ATP6V1H: variants seen among roughly 807,000 people sequenced by gnomAD.
ATP6V1H encodes the protein ATPase H+ transporting V1 subunit H.
A neutral mutation model predicts 71.7 loss-of-function variants in ATP6V1H; 39 were observed. The ratio of observed to expected loss-of-function variants is 0.54; its 90% confidence interval spans 0.42 to 0.71. ATP6V1H has a LOEUF of 0.71. Ranked by LOEUF, ATP6V1H falls within the 30% of genes least tolerant of loss-of-function variation. ATP6V1H has a pLI of 0.00. For missense variants in ATP6V1H, 509 were observed against 594.9 expected, an observed-to-expected ratio of 0.86 and a Z score of 1.50; for synonymous variants, 192 against 199.3, an observed-to-expected ratio of 0.96 and a Z score of 0.31.
intron 9 of ATP6V1H, among the ~76,000 whole-genome samples, chr8:53,790,501 G>A (rs912661545): frequency 2.0e-5 from 3 of 152,156 alleles, no homozygotes; most frequent in African/African-American, 7.2e-5. Context: ...CATATTTTTC[G>A]AAGGGTATTA....
chr8:53,754,914 G>A (rs189437341), intron 12 of ATP6V1H, among the ~76,000 whole-genome samples: 29 of 152,326 alleles, frequency 1.9e-4, no homozygotes, highest in African/African-American at 6.5e-4. Context: ...ACATTTGTCC[G>A]TACCATGGAA....
intron 9 of ATP6V1H, among the ~76,000 whole-genome samples, chr8:53,779,462 T>C (rs1394230289): frequency 6.6e-6 from 1 of 151,252 alleles, no homozygotes. Context: ...CTAATATTAT[T>C]ACATGCTTGT....
At chr8:53,790,589 A>G (rs143073763) in intron 9 of ATP6V1H, among the ~76,000 whole-genome samples, 1 of 152,358 alleles carries the variant, frequency 6.6e-6, no homozygotes, top group East Asian at 1.9e-4. Flanking sequence ...AAACTAAAGC[A>G]CGGAGAGGCT....
intron 2 of ATP6V1H, among the ~76,000 whole-genome samples, chr8:53,835,772 G>C (rs1487805675): frequency 2.0e-5 from 3 of 152,024 alleles, no homozygotes; most frequent in African/African-American, 7.3e-5. Context: ...CTCTTAGGCA[G>C]GTGACACTAT....
chr8:53,735,999 T>C (rs2130150958), intron 13 of ATP6V1H, among the ~76,000 whole-genome samples: 1 of 152,322 alleles, frequency 6.6e-6, no homozygotes, highest in South Asian at 2.1e-4. Context: ...AGCCCTGCTC[T>C]AGTCACACAC....
At chr8:53,829,342 A>C in intron 4 of ATP6V1H, 102 bp downstream of exon 4, 1 of 748,314 alleles carries the variant, frequency 1.3e-6, no homozygotes, top group Non-Finnish European at 2.3e-6. Flanking sequence ...ATGCTCTAGA[A>C]GAGAACAAAT....
Position 53,807,506 on chromosome 8 carries a change from G to A in ATP6V1H, c.579+3658C>T, listed in dbSNP as rs187210658. 4.6e-4 allele frequency among the ~76,000 whole-genome samples: 70 copies of A among 152,134 alleles called. No homozygotes were observed. The East Asian group carries it at 0.012, about 26-fold the overall frequency. ...ATACTGTTACTGCACACTAAAACAC[G>A]GATGAATCTTGAAAACATTATGCTA... On this transcript the variant is annotated intron_variant, in intron 7 of 13. Transcript: ENST00000359530.
chr8:53,819,447 G>C (rs1298509040), intron 4 of ATP6V1H, among the ~76,000 whole-genome samples: 2 of 147,002 alleles, frequency 1.4e-5, no homozygotes, highest in Non-Finnish European at 3.0e-5. Flanking sequence ...CAGGAGAATC[G>C]CTTGAACCTG....
chr8:53,825,004 G>A lies in ATP6V1H; in HGVS notation c.306+4440C>T, dbSNP rs138605946. Among the ~76,000 whole-genome samples, 344 of 152,138 alleles carry A rather than the reference G, an allele frequency of 2.3e-3. 2 individuals are homozygous for A. Among genetic ancestry groups the A allele is most frequent in the African/African-American group, 7.9e-3 (327 of 41,530 alleles). On this transcript the variant is annotated intron_variant, in intron 4 of 13. Coordinates refer to ENST00000359530, the MANE Select transcript of ATP6V1H (RefSeq NM_015941.4). ...TTCAGAGATAAAATGGAAGAGAAATGCTGTTTTTAACAGTATAATTAAGAT... is the reference window on the plus strand; with the variant it reads ...TTCAGAGATAAAATGGAAGAGAAATACTGTTTTTAACAGTATAATTAAGAT...
At chr8:53,716,849 A>T (rs964694134) in intron 13 of ATP6V1H, among the ~76,000 whole-genome samples, 1 of 152,250 alleles carries the variant, frequency 6.6e-6, no homozygotes, top group African/African-American at 2.4e-5. Context: ...ACTTGCCGAA[A>T]CTTTTGTTTT....
At chr8:53,815,581 T>C (rs1810422439) in intron 5 of ATP6V1H, among the ~76,000 whole-genome samples, 1 of 152,232 alleles carries the variant, frequency 6.6e-6, no homozygotes. Flanking sequence ...CACTTAAGTG[T>C]TCTGGTGTAT....
chr8:53,813,756 C>G (rs563190707), intron 6 of ATP6V1H, among the ~76,000 whole-genome samples: 2 of 152,326 alleles, frequency 1.3e-5, no homozygotes, highest in Admixed American at 1.3e-4. Flanking sequence ...TTTTCCAAGG[C>G]ATTACACCTG....
chr8:53,767,694 T>G (rs1033306603), intron 11 of ATP6V1H, among the ~76,000 whole-genome samples: 11 of 152,176 alleles, frequency 7.2e-5, no homozygotes, highest in African/African-American at 2.7e-4. Flanking sequence ...TCCACAAGGA[T>G]GCCAAGATAA....
chr8:53,755,203 T>G (rs1443397888), intron 12 of ATP6V1H, among the ~76,000 whole-genome samples: 1 of 152,106 alleles, frequency 6.6e-6, no homozygotes, highest in African/African-American at 2.4e-5. Flanking sequence ...ATCATTGATG[T>G]CCCTACCTCC....
intron 4 of ATP6V1H, among the ~76,000 whole-genome samples, chr8:53,820,426 GC>G (rs1170012958): frequency 2.6e-5 from 4 of 151,630 alleles, no homozygotes; most frequent in Non-Finnish European, 5.9e-5. Flanking sequence ...CATACAATCT[GC>G]CCCCCACCAA....
intron 10 of ATP6V1H, among the ~76,000 whole-genome samples, chr8:53,770,480 C>T (rs1322020171): frequency 6.6e-6 from 1 of 152,084 alleles, no homozygotes; most frequent in Non-Finnish European, 1.5e-5. Context: ...TGTAACCATT[C>T]AAATACTACT....
chr8:53,821,356 G>C (rs1454425373), intron 4 of ATP6V1H, among the ~76,000 whole-genome samples: 1 of 139,170 alleles, frequency 7.2e-6, no homozygotes, highest in Non-Finnish European at 1.5e-5. Context: ...CTGGCCAATG[G>C]AGCAAGACTC....
chr8:53,793,034 T>C (rs1455851350), intron 9 of ATP6V1H, among the ~76,000 whole-genome samples: 2 of 152,142 alleles, frequency 1.3e-5, no homozygotes, highest in Non-Finnish European at 2.9e-5. Context: ...CAATAGACAT[T>C]AGCTGTTATT....
At chr8:53,774,716 A>G (rs1808800586) in intron 9 of ATP6V1H, among the ~76,000 whole-genome samples, 1 of 152,128 alleles carries the variant, frequency 6.6e-6, no homozygotes, top group Non-Finnish European at 1.5e-5. Context: ...AAAAAAAGGA[A>G]TGGCACTAGA....
Sources: gnomAD v4.1 joint callset for allele counts (sites outside exome capture counted in the v4.1 genomes callset) on GRCh38, gnomAD v4.1.1 for gene constraint, MANE v1.5 for transcripts, NCBI Gene and HGNC (gene_info 2026-07-23, HGNC 2026-07-21) for gene names.